IKZF3: variants seen among roughly 807,000 people sequenced by gnomAD.
IKZF3 encodes IKAROS family zinc finger 3, also known as zinc finger protein Aiolos.
IKZF3 carries 10 observed loss-of-function variants against 49.0 expected under a neutral mutation model. That is an observed-to-expected ratio of 0.20 (90% CI 0.13 to 0.35). The LOEUF (loss-of-function observed/expected upper bound fraction) is 0.35. Among genes scored for constraint, IKZF3 ranks in the 10% least tolerant of loss-of-function variants. IKZF3 has a pLI of 1.00. For missense variants in IKZF3, 498 were observed against 664.8 expected (o/e 0.75, Z 2.76); for synonymous variants, 209 against 228.2 (o/e 0.92, Z 0.76).
At position 39,765,769 on chromosome 17, in the gene IKZF3, G is replaced by T; in HGVS notation, c.*21C>A. The stretch of plus-strand genomic sequence containing the variant: ...TAGAAACGATGCTGAATACATAGGA[G>T]CAATCCCTGAGACCAGATATTCACT... On this transcript the variant is annotated 3_prime_UTR_variant, in exon 8 of 8. Transcript: ENST00000346872. 6.5e-7 allele frequency: 1 copy of T among 1,549,966 alleles called. No homozygotes were observed. The highest frequency in any genetic ancestry group is 8.8e-7 in the Non-Finnish European group (1 of 1,133,672).
At chr17:39,780,407 A>C (rs1394139924) in intron 6 of IKZF3, among the ~76,000 whole-genome samples, 1 of 152,152 alleles carries the variant, frequency 6.6e-6, no homozygotes, top group African/African-American at 2.4e-5. Flanking sequence ...TCTGTTACCC[A>C]GGGTGGAGTG....
rs559534124 is a variant in IKZF3 at position 39,763,405 on chromosome 17, A to C, written c.*2385T>G. On this transcript the variant is annotated 3_prime_UTR_variant, in exon 8 of 8. Transcript: ENST00000346872. ...TTCTTGGCTCTGGTAGAAATGTTAC[A>C]AATTAAGCTGACTCTTAATTTGTAA... The C allele has an allele frequency of 1.3e-5, 2 of 152,270 alleles. No homozygotes were observed. The highest frequency in any genetic ancestry group is 4.2e-4 in the South Asian group (2 of 4,818). The allele number at this position is 152,270 out of a possible 1,614,324, so 9.4% of individuals were successfully genotyped here.
At chr17:39,845,229 G>C (rs911340117) in intron 1 of IKZF3, among the ~76,000 whole-genome samples, 1 of 152,074 alleles carries the variant, frequency 6.6e-6, no homozygotes, top group African/African-American at 2.4e-5. Context: ...CATCAATAAA[G>C]TTTTATTGGA....
chr17:39,827,504 C>G (rs1185858017), intron 3 of IKZF3, among the ~76,000 whole-genome samples: 2 of 151,532 alleles, frequency 1.3e-5, no homozygotes, highest in Non-Finnish European at 2.9e-5. Flanking sequence ...GATGAGGCCT[C>G]ACCATGTTGC....
At chr17:39,791,835 A>G (rs917352105) in intron 4 of IKZF3, among the ~76,000 whole-genome samples, 2 of 151,766 alleles carry the variant, frequency 1.3e-5, no homozygotes, top group African/African-American at 2.4e-5. Flanking sequence ...GAGCAGCTCT[A>G]GAAGTGCTTT....
At chr17:39,833,471 A>G (rs1426341066) in intron 1 of IKZF3, among the ~76,000 whole-genome samples, 1 of 152,178 alleles carries the variant, frequency 6.6e-6, no homozygotes, top group Non-Finnish European at 1.5e-5. Flanking sequence ...ACCATAGATT[A>G]GTTTAGCCTA....
chr17:39,835,977 A>G (rs1352748303), intron 1 of IKZF3: 2 of 637,524 alleles, frequency 3.1e-6, no homozygotes, highest in Admixed American at 2.0e-5. Flanking sequence ...AGGTTTGTTG[A>G]TGTAGCTCTT....
At chr17:39,786,835 T>G (rs563261158) in intron 6 of IKZF3, among the ~76,000 whole-genome samples, 1 of 152,166 alleles carries the variant, frequency 6.6e-6, no homozygotes, top group Non-Finnish European at 1.5e-5. Flanking sequence ...ATTTCCTTTA[T>G]CAAATTAGAA....
At chr17:39,770,069 C>T (rs1320070744) in intron 7 of IKZF3, among the ~76,000 whole-genome samples, 2 of 152,164 alleles carry the variant, frequency 1.3e-5, no homozygotes, top group Non-Finnish European at 2.9e-5. Flanking sequence ...CTCTGAGTTA[C>T]GGTAACTTGA....
chr17:39,834,927 G>A, intron 1 of IKZF3: 1 of 358,248 alleles, frequency 2.8e-6, no homozygotes, highest in Non-Finnish European at 5.4e-6. Context: ...GAGAAGCCAT[G>A]GGAGGGGGTA....
chr17:39,777,714 C>G lies in IKZF3; in HGVS notation c.763G>C (p.Val255Leu). 1 of 1,613,956 alleles carries G rather than the reference C, an allele frequency of 6.2e-7. No homozygotes were observed. Among genetic ancestry groups the G allele is most frequent in the Non-Finnish European group, 8.5e-7 (1 of 1,179,954 alleles). The change falls in exon 7 of 8, where the codon GTA (valine) becomes CTA (leucine). Residue 255 changes from valine to leucine, a missense_variant. Coordinates refer to ENST00000346872, the MANE Select transcript of IKZF3 (RefSeq NM_012481.5). ...ACATTGCTTGCTAATCTGTCCAGTA[C>G]GAGAGCTCTTTCACTTCCCATCTCT... ...KAEMGSERAL[V>L]LDRLASNVAK...
At chr17:39,803,514 C>CTTT (rs72220610) in intron 3 of IKZF3, among the ~76,000 whole-genome samples, 1 of 141,408 alleles carries the variant, frequency 7.1e-6, no homozygotes, top group African/African-American at 2.6e-5. Flanking sequence ...TTCACTCTAT[C>CTTT]TTTTTTTTTT....
chr17:39,780,067 G>A (rs1338165933), intron 6 of IKZF3, among the ~76,000 whole-genome samples: 1 of 152,092 alleles, frequency 6.6e-6, no homozygotes, highest in African/African-American at 2.4e-5. Context: ...AGCTGGGCAT[G>A]TTGGCATGCG....
chr17:39,768,955 C>A (rs1294615589), intron 7 of IKZF3, among the ~76,000 whole-genome samples: 1 of 152,140 alleles, frequency 6.6e-6, no homozygotes, highest in African/African-American at 2.4e-5. Context: ...TTGTTAAAAA[C>A]AGAGATTACC....
chr17:39,847,175 G>A (rs911557470), intron 1 of IKZF3, among the ~76,000 whole-genome samples: 3 of 152,088 alleles, frequency 2.0e-5, no homozygotes, highest in East Asian at 1.9e-4. Flanking sequence ...AGAAGCGTTC[G>A]CTGTCATTTC....
At chr17:39,864,070 G>A in intron 1 of IKZF3, 50 bp downstream of exon 1, 1 of 1,611,330 alleles carries the variant, frequency 6.2e-7, no homozygotes. Context: ...TGCTTGCACA[G>A]GTTAAGTTTC....
chr17:39,822,766 T>C (rs1291218615), intron 3 of IKZF3, among the ~76,000 whole-genome samples: 1 of 151,962 alleles, frequency 6.6e-6, no homozygotes, highest in African/African-American at 2.4e-5. Context: ...GTATTTTTAG[T>C]AGAGACAGGG....
intron 6 of IKZF3, among the ~76,000 whole-genome samples, chr17:39,784,782 G>A (rs763223385): frequency 7.2e-5 from 11 of 152,304 alleles, no homozygotes; most frequent in Non-Finnish European, 1.5e-4. Flanking sequence ...CTGGCACATA[G>A]AGAACTCAAC....
chr17:39,768,237 A>AAACTTCAG, intron 7 of IKZF3, among the ~76,000 whole-genome samples: 1 of 152,370 alleles, frequency 6.6e-6, no homozygotes, highest in Non-Finnish European at 1.5e-5. Context: ...GGGAATGCAG[A>AAACTTCAG]AACTTCAGAA....
Sources: gnomAD v4.1 joint callset for allele counts (sites outside exome capture counted in the v4.1 genomes callset) on GRCh38, gnomAD v4.1.1 for gene constraint, MANE v1.5 for transcripts, NCBI Gene and HGNC (gene_info 2026-07-23, HGNC 2026-07-21) for gene names.